The following DDAH1 variants were observed in gnomAD, a reference collection of about 807,000 sequenced individuals.
The protein encoded by DDAH1 is N(G),N(G)-dimethylarginine dimethylaminohydrolase 1.
Under a neutral mutation model 28.8 loss-of-function variants are expected in DDAH1, and 19 were observed. That is an observed-to-expected ratio of 0.66 (90% CI 0.46 to 0.97). The LOEUF is 0.97. DDAH1 is among the 50% of genes least tolerant of loss of function. The probability of loss-of-function intolerance (pLI) is 0.00; values close to 1 mark genes in which losing one functional copy is unlikely to be tolerated. For synonymous variants in DDAH1, 153 were observed against 154.4 expected, an observed-to-expected ratio of 0.99 and a Z score of 0.07; for missense variants, 326 against 375.9, an observed-to-expected ratio of 0.87 and a Z score of 1.10.
chr1:85,471,730 T>A (rs1356263097), intron 2 of DDAH1, among the ~76,000 whole-genome samples: 2 of 152,170 alleles, frequency 1.3e-5, no homozygotes, highest in Non-Finnish European at 2.9e-5. Context: ...CCCAAGTCCT[T>A]CAAATGAGAT....
At chr1:85,536,738 G>A (rs564511069) in intron 1 of DDAH1, among the ~76,000 whole-genome samples, 1 of 151,884 alleles carries the variant, frequency 6.6e-6, no homozygotes, top group African/African-American at 2.4e-5. Context: ...AGTCATTATA[G>A]GAAAACAATA....
At chr1:85,520,547 G>A (rs1362303214) in intron 1 of DDAH1, among the ~76,000 whole-genome samples, 1 of 152,292 alleles carries the variant, frequency 6.6e-6, no homozygotes, top group Admixed American at 6.5e-5. Context: ...ACACTTATAT[G>A]CAAAGTTAAT....
At chr1:85,398,883 C>T (rs901636540) in intron 1 of DDAH1, 1 of 152,158 alleles carries the variant, frequency 6.6e-6, no homozygotes, top group African/African-American at 2.4e-5. Context: ...ACCTGAGATC[C>T]TTTAGTCCAC....
At chr1:85,438,311 C>A (rs1370778969) in intron 1 of DDAH1, among the ~76,000 whole-genome samples, 3 of 152,068 alleles carry the variant, frequency 2.0e-5, no homozygotes, top group Admixed American at 1.3e-4. Flanking sequence ...GAACATGGAC[C>A]CCCTGAACCT....
chr1:85,419,175 T>C (rs542687713), intron 1 of DDAH1, among the ~76,000 whole-genome samples: 13 of 152,260 alleles, frequency 8.5e-5, no homozygotes, highest in South Asian at 2.1e-4. Context: ...CTCCAGGAGA[T>C]ACCATTATAT....
At chr1:85,509,775 G>A (rs191781377) in intron 1 of DDAH1, among the ~76,000 whole-genome samples, 5 of 152,196 alleles carry the variant, frequency 3.3e-5, no homozygotes, top group East Asian at 1.9e-4. Context: ...CAATTGAGAC[G>A]ACAAGGTTAG....
chr1:85,534,054 A>T (rs1658183525), intron 1 of DDAH1, among the ~76,000 whole-genome samples: 1 of 152,212 alleles, frequency 6.6e-6, no homozygotes, highest in Non-Finnish European at 1.5e-5. Context: ...TGAATCAGTC[A>T]ATCAATCAAT....
chr1:85,540,635 C>T (rs1250726111), intron 1 of DDAH1, among the ~76,000 whole-genome samples: 9 of 152,130 alleles, frequency 5.9e-5, no homozygotes, highest in Admixed American at 4.6e-4. Flanking sequence ...AGCCCAGCAA[C>T]TTCTTGCATG....
At chr1:85,453,848 A>T (rs772962348) in intron 1 of DDAH1, among the ~76,000 whole-genome samples, 159 of 152,312 alleles carry the variant, frequency 1.0e-3, no homozygotes, top group Middle Eastern at 6.8e-3. Context: ...TATTTCCAAG[A>T]TCTCTTTTAG....
In DDAH1 at chr1:85,407,877, G is replaced by A. The variant is rs139699103; in HGVS notation, c.304-49030C>T. On this transcript the variant is annotated intron_variant, in intron 1 of 5. Transcript: ENST00000284031. ...TATTTATATAAAATTCAAAAAGCTC[G>A]GCTCTTTTGGTTACATCTATCATTT... Among the ~76,000 whole-genome samples, 578 of 152,128 alleles carry A rather than the reference G, an allele frequency of 3.8e-3. 3 individuals are homozygous for A. Among genetic ancestry groups the A allele is most frequent in the African/African-American group, 0.013 (530 of 41,514 alleles).
At chr1:85,350,282 A>T (rs886260778) in intron 4 of DDAH1, 133 bp downstream of exon 4, 3 of 1,184,992 alleles carry the variant, frequency 2.5e-6, no homozygotes, top group Non-Finnish European at 3.6e-6. Context: ...AACAGTGCAC[A>T]TCACAGAAGC....
chr1:85,433,948 A>C (rs976357076), intron 1 of DDAH1, among the ~76,000 whole-genome samples: 1 of 152,204 alleles, frequency 6.6e-6, no homozygotes, highest in Non-Finnish European at 1.5e-5. Flanking sequence ...TATGTTACTT[A>C]GATCAAATGT....
At chr1:85,350,605 T>G in intron 3 of DDAH1, 71 bp from the exon 4 acceptor site, 2 of 1,509,330 alleles carry the variant, frequency 1.3e-6, no homozygotes, top group Non-Finnish European at 1.8e-6. Flanking sequence ...AAAACCTCCC[T>G]GAAATACACC....
chr1:85,375,131 T>G (rs1319186766), intron 1 of DDAH1, among the ~76,000 whole-genome samples: 4 of 152,064 alleles, frequency 2.6e-5, no homozygotes. Context: ...TAGAACAAAA[T>G]AAAAATATTT....
At chr1:85,342,586 ATACAATGTT>A (rs1648572274) in intron 4 of DDAH1, among the ~76,000 whole-genome samples, 1 of 152,248 alleles carries the variant, frequency 6.6e-6, no homozygotes, top group Non-Finnish European at 1.5e-5. Flanking sequence ...TTTCAAGTTT[ATACAATGTT>A]TAATTCTGGG....
intron 1 of DDAH1, among the ~76,000 whole-genome samples, chr1:85,362,546 T>G (rs1329416362): frequency 6.6e-6 from 1 of 152,214 alleles, no homozygotes. Flanking sequence ...TCTTCTCTTT[T>G]CACTCCCTTT....
intron 1 of DDAH1, among the ~76,000 whole-genome samples, chr1:85,512,456 C>T (rs1423516262): frequency 6.6e-6 from 1 of 152,198 alleles, no homozygotes; most frequent in Non-Finnish European, 1.5e-5. Context: ...GGGATGCCCT[C>T]TCTCACCACT....
upstream of DDAH1, chr1:85,467,701 G>A (rs1449508058): frequency 6.6e-6 from 1 of 152,156 alleles, no homozygotes; most frequent in African/African-American, 2.4e-5. Flanking sequence ...CAGCAATGAA[G>A]GACTGTTTTT....
rs376225160 is a variant in DDAH1, at chr1:85,346,815, G to A, written c.597+3600C>T. Reference sequence around the variant, plus strand: ...CTGCACAGCAAAAGAAACTATCATCGGAGTGAACAGGCAACCTACAGAATG... The same window carrying A: ...CTGCACAGCAAAAGAAACTATCATCAGAGTGAACAGGCAACCTACAGAATG... On this transcript the variant is annotated intron_variant, in intron 4 of 5. Coordinates refer to ENST00000284031, the MANE Select transcript of DDAH1 (RefSeq NM_012137.4). 4.6e-5 allele frequency among the ~76,000 whole-genome samples: 7 copies of A among 152,072 alleles called. No individual in the cohort carries two copies. The East Asian group carries it at 7.7e-4, about 17-fold the overall frequency.
Sources: allele counts gnomAD v4.1 joint callset (sites outside exome capture counted in the v4.1 genomes callset), GRCh38; gene constraint gnomAD v4.1.1; transcripts MANE v1.5; gene names NCBI Gene and HGNC (gene_info 2026-07-23, HGNC 2026-07-21).